CNTNAP3B: variants seen among roughly 807,000 people sequenced by gnomAD.
CNTNAP3B encodes the protein contactin-associated protein-like 3B.
CNTNAP3B carries 25 observed loss-of-function variants against 108.9 expected under a neutral mutation model. That is an observed-to-expected ratio of 0.23 (90% CI 0.17 to 0.32). The LOEUF is 0.32. CNTNAP3B is among the 10% of genes least tolerant of loss of function. The probability of loss-of-function intolerance (pLI) is 1.00; values close to 1 mark genes in which losing one functional copy is unlikely to be tolerated. For missense variants in CNTNAP3B, 252 were observed against 1,210.4 expected, an observed-to-expected ratio of 0.21 and a Z score of 11.75; for synonymous variants, 103 against 473.4, an observed-to-expected ratio of 0.22 and a Z score of 10.16.
chr9:42,058,319 A>T (rs1216264697), intron 3 of CNTNAP3B, among the ~76,000 whole-genome samples: 2 of 152,186 alleles, frequency 1.3e-5, no homozygotes, highest in African/African-American at 4.8e-5. Context: ...ATACAAATTT[A>T]CATTGCCACC....
In CNTNAP3B at chr9:42,079,905, T is replaced by C. The variant is rs1266791941; in HGVS notation, c.197-2843A>G. The stretch of plus-strand genomic sequence containing the variant: ...ATCATCTTAGGCTGGATGTTGTACA[T>C]TGGGAATTTTATACACAGAGCTGAA... On this transcript the variant is annotated intron_variant, in intron 2 of 23. Transcript: ENST00000377561. Among the ~76,000 whole-genome samples, 21 of 130,810 alleles carry C rather than the reference T, an allele frequency of 1.6e-4. 3 individuals carry two copies. The highest frequency in any genetic ancestry group is 1.1e-3 in the Admixed American group (14 of 13,148). 85.8% of individuals were successfully genotyped at this position (130,810 alleles called of 152,430 possible).
Position 41,926,049 on chromosome 9 carries a change from C to T in CNTNAP3B, c.2366-1956G>A, listed in dbSNP as rs1165960826. On this transcript the variant is annotated intron_variant, in intron 15 of 23. Transcript: ENST00000377561. ...TCTCTCTCACACACACATACACACA[C>T]GCAGTCTCTCTCTTCTATGTGTATT... Among the ~76,000 whole-genome samples, 14 of 152,394 alleles carry T rather than the reference C, an allele frequency of 9.2e-5. No homozygotes were observed. In the South Asian group the frequency reaches 1.0e-3, roughly 11 times the overall value.
At chr9:42,077,557 T>A (rs1478683852) in intron 2 of CNTNAP3B, among the ~76,000 whole-genome samples, 2 of 132,016 alleles carry the variant, frequency 1.5e-5, no homozygotes, top group South Asian at 4.9e-4. Flanking sequence ...CACTTACATG[T>A]GGAATTCTAA....
rs1268705226 is a variant in CNTNAP3B, at chr9:42,128,325, C to A, written c.85+685G>T. ...ATTAAGTAAAATAAAAAACAGGGAA[C>A]CCGATGGCAAATTAAATAATGTAAA... On this transcript the variant is annotated intron_variant, in intron 1 of 23. Transcript: ENST00000377561. Among the ~76,000 whole-genome samples, 3 of 138,672 alleles carry A rather than the reference C, an allele frequency of 2.2e-5. 1 individual carries two copies. The highest frequency in any genetic ancestry group is 4.3e-4 in the East Asian group (2 of 4,598). 91.0% of individuals were successfully genotyped at this position (138,672 alleles called of 152,430 possible). A position where few individuals can be genotyped will look rare whatever the true frequency, so the allele number is the denominator to read the frequency against.
chr9:42,001,301 C>A lies in CNTNAP3B; in HGVS notation c.539-2697G>T, dbSNP rs1463297987. Among the ~76,000 whole-genome samples the A allele has an allele frequency of 1.5e-4, 16 of 110,248 alleles. 1 individual carries two copies. Among genetic ancestry groups the A allele is most frequent in the African/African-American group, 6.3e-4 (16 of 25,206 alleles). 72.3% of individuals were successfully genotyped at this position (110,248 alleles called of 152,430 possible). A position where few individuals can be genotyped will look rare whatever the true frequency, so the allele number is the denominator to read the frequency against. On this transcript the variant is annotated intron_variant, in intron 4 of 23. Transcript: ENST00000377561. ...TGGTCGCACTTGCTTATATTCCCAG[C>A]TACTTGGAAGGGGGAGGTGGGAGGA...
chr9:41,964,217 T>A (rs1422467860), intron 11 of CNTNAP3B, among the ~76,000 whole-genome samples: 6 of 152,210 alleles, frequency 3.9e-5, no homozygotes, highest in African/African-American at 1.4e-4. Context: ...CCAACTCAAG[T>A]AATGGAACAA....
chr9:42,081,400 G>C (rs551957153), intron 2 of CNTNAP3B, among the ~76,000 whole-genome samples: 1 of 144,980 alleles, frequency 6.9e-6, no homozygotes, highest in East Asian at 2.0e-4. Context: ...AATTATTAAA[G>C]TTTTGCCACT....
chr9:42,038,455 T>TAA (rs370018301), intron 3 of CNTNAP3B, among the ~76,000 whole-genome samples: 1 of 74,222 alleles, frequency 1.3e-5, no homozygotes, highest in Non-Finnish European at 2.9e-5. Flanking sequence ...CAATGGAAAA[T>TAA]AAAAAAAAAG....
At position 42,086,660 on chromosome 9, in the gene CNTNAP3B, G is replaced by A. The variant is rs1271032938; in HGVS notation, c.197-9598C>T. ...GGGTTTCGCCATGTTGGCCAGGCTGGTCTCAAACTCCTGACCTCAAGTAAT... is the reference window on the plus strand; with the variant it reads ...GGGTTTCGCCATGTTGGCCAGGCTGATCTCAAACTCCTGACCTCAAGTAAT... On this transcript the variant is annotated intron_variant, in intron 2 of 23. Transcript: ENST00000377561. Among the ~76,000 whole-genome samples, 3 of 98,768 alleles carry A rather than the reference G, an allele frequency of 3.0e-5. No homozygotes were observed. The East Asian group carries it at 8.9e-4, about 29-fold the overall frequency. 64.8% of individuals were successfully genotyped at this position (98,768 alleles called of 152,430 possible).
intron 3 of CNTNAP3B, among the ~76,000 whole-genome samples, chr9:42,041,466 A>G (rs1266412152): frequency 2.7e-5 from 4 of 150,162 alleles, no homozygotes; most frequent in African/African-American, 9.9e-5. Flanking sequence ...ACATTTATGC[A>G]GCCAACAGAC....
chr9:41,943,375 T>C (rs1163918081), intron 13 of CNTNAP3B, among the ~76,000 whole-genome samples: 3 of 138,934 alleles, frequency 2.2e-5, no homozygotes, highest in Admixed American at 8.3e-5. Flanking sequence ...TTTTTTGAGA[T>C]GGAGTCTCTC....
chr9:42,077,492 G>A lies in CNTNAP3B; in HGVS notation c.197-430C>T, dbSNP rs542179464. Among the ~76,000 whole-genome samples, 911 of 134,892 alleles carry A rather than the reference G, an allele frequency of 6.8e-3. 40 individuals are homozygous for A. The highest frequency in any genetic ancestry group is 0.019 in the Middle Eastern group (5 of 266). 88.5% of individuals were successfully genotyped at this position (134,892 alleles called of 152,430 possible). A position where few individuals can be genotyped will look rare whatever the true frequency, so the allele number is the denominator to read the frequency against. On this transcript the variant is annotated intron_variant, in intron 2 of 23. Coordinates refer to ENST00000377561, the MANE Select transcript of CNTNAP3B (RefSeq NM_001201380.3). The stretch of plus-strand genomic sequence containing the variant: ...CACTCAAAGTGCTTACAGTCTCATA[G>A]GAGAAATGGATGTAAAAGAAGAGTT...
Position 41,953,391 on chromosome 9 carries a change from G to A in CNTNAP3B, c.1877-5C>T, listed in dbSNP as rs746520574. On this transcript the variant is annotated splice_region_variant and splice_polypyrimidine_tract_variant and intron_variant, in intron 12 of 23. Coordinates refer to ENST00000377561, the MANE Select transcript of CNTNAP3B (RefSeq NM_001201380.3). ...CCACCGTCCACGCGGAGTCTGCTGA[G>A]CAGAAACGGGCAAAGGAGAGGCATC... 1.3e-5 allele frequency: 20 copies of A among 1,536,194 alleles called. No individual in the cohort carries two copies. In the Admixed American group the frequency reaches 3.7e-4, roughly 28 times the overall value.
At chr9:41,956,146 G>A (rs1587142536) in intron 12 of CNTNAP3B, among the ~76,000 whole-genome samples, 1 of 152,238 alleles carries the variant, frequency 6.6e-6, no homozygotes, top group Non-Finnish European at 1.5e-5. Flanking sequence ...CAGCACTTTG[G>A]GAGGCCGAGG....
chr9:42,086,177 G>A (rs545162009), intron 2 of CNTNAP3B, among the ~76,000 whole-genome samples: 1 of 142,298 alleles, frequency 7.0e-6, no homozygotes, highest in Non-Finnish European at 1.5e-5. Flanking sequence ...GCAAAAGGGG[G>A]TCCCCCTTAT....
chr9:41,926,631 T>A (rs1244073544), intron 15 of CNTNAP3B: 3 of 152,316 alleles, frequency 2.0e-5, no homozygotes, highest in African/African-American at 4.8e-5. Flanking sequence ...AATTTTTAGT[T>A]TTTTTGTAAG....
intron 15 of CNTNAP3B, among the ~76,000 whole-genome samples, chr9:41,926,083 A>G (rs1823811201): frequency 6.6e-6 from 1 of 152,276 alleles, no homozygotes; most frequent in Non-Finnish European, 1.5e-5. Context: ...TTCTACAGTT[A>G]TCTATTATGT....
At chr9:42,054,025 T>G (rs1827009267) in intron 3 of CNTNAP3B, among the ~76,000 whole-genome samples, 2 of 152,062 alleles carry the variant, frequency 1.3e-5, no homozygotes, top group Non-Finnish European at 2.9e-5. Context: ...TGAGCAAAGC[T>G]AACTTACTTT....
intron 10 of CNTNAP3B, among the ~76,000 whole-genome samples, chr9:41,966,690 G>C (rs1475262204): frequency 1.3e-5 from 2 of 152,244 alleles, no homozygotes; most frequent in African/African-American, 4.8e-5. Context: ...TATCCTGGCT[G>C]GGTGTGGTGG....
Sources: allele counts gnomAD v4.1 joint callset (sites outside exome capture counted in the v4.1 genomes callset), GRCh38; gene constraint gnomAD v4.1.1; transcripts MANE v1.5; gene names NCBI Gene and HGNC (gene_info 2026-07-23, HGNC 2026-07-21).